CWC27: variants seen among roughly 807,000 people sequenced by gnomAD.
The protein encoded by CWC27 is spliceosome-associated protein CWC27 homolog.
Under a neutral mutation model 63.6 loss-of-function variants are expected in CWC27, and 47 were observed. The ratio of observed to expected loss-of-function variants is 0.74; its 90% CI spans 0.58 to 0.94. The LOEUF is 0.94. Among genes scored for constraint, CWC27 ranks in the 40% least tolerant of loss-of-function variants. The probability of loss-of-function intolerance (pLI) is 0.00; values close to 1 mark genes in which losing one functional copy is unlikely to be tolerated. For synonymous variants in CWC27, 175 were observed against 179.8 expected (o/e 0.97, Z 0.22); for missense variants, 495 against 554.3 (o/e 0.89, Z 1.07).
intron 11 of CWC27, among the ~76,000 whole-genome samples, chr5:64,950,502 A>G (rs1469258342): frequency 1.3e-5 from 2 of 152,000 alleles, no homozygotes; most frequent in Admixed American, 1.3e-4. Flanking sequence ...TAAAATTGAA[A>G]AGTTACCAAA....
intron 11 of CWC27, among the ~76,000 whole-genome samples, chr5:64,905,394 TCTTTA>T (rs1172540825): frequency 6.6e-6 from 1 of 152,108 alleles, no homozygotes; most frequent in Non-Finnish European, 1.5e-5. Flanking sequence ...AGGGCCAGTT[TCTTTA>T]CTTTCTGTCT....
chr5:64,868,877 C>T (rs1561440769), intron 10 of CWC27, among the ~76,000 whole-genome samples: 1 of 151,936 alleles, frequency 6.6e-6, no homozygotes. Context: ...CTTACCTTAT[C>T]ATCTTTGCAT....
chr5:64,954,260 C>T (rs1024682741), intron 11 of CWC27, among the ~76,000 whole-genome samples: 7 of 152,082 alleles, frequency 4.6e-5, no homozygotes, highest in African/African-American at 1.4e-4. Flanking sequence ...CCTGGTCTTT[C>T]CAGTGACAAC....
At position 64,800,405 on chromosome 5, in the gene CWC27, C is replaced by T. The variant is rs1744448917; in HGVS notation, c.749+78C>T. 9.4e-6 allele frequency: 10 copies of T among 1,060,984 alleles called. No individual in the cohort carries two copies. The East Asian group carries it at 2.6e-4, about 27-fold the overall frequency. 65.7% of individuals were successfully genotyped at this position (1,060,984 alleles called of 1,614,324 possible). On this transcript the variant is annotated intron_variant, in intron 8 of 13. Transcript: ENST00000381070. ...TTTTCTTGCTTCTTCTGTGAGTAAA[C>T]AGTCAGTCCTCATAAGTCAAAAATT...
At chr5:64,985,946 C>A (rs1011205585) in intron 13 of CWC27, among the ~76,000 whole-genome samples, 1 of 152,102 alleles carries the variant, frequency 6.6e-6, no homozygotes, top group Non-Finnish European at 1.5e-5. Context: ...ATTGTAATCC[C>A]CATAATCAAG....
At chr5:64,796,590 A>T (rs893759375) in intron 7 of CWC27, among the ~76,000 whole-genome samples, 2 of 152,172 alleles carry the variant, frequency 1.3e-5, no homozygotes, top group South Asian at 2.1e-4. Flanking sequence ...TATCTAAAAA[A>T]ATATTTTCAT....
In CWC27 at chr5:64,784,111, A is replaced by G. The variant is rs77047918; in HGVS notation, c.396+132A>G. ...AAACATTCCATAGGATATGTTTATT[A>G]TTTTCAAAAATGATGGAATATATTC... On this transcript the variant is annotated intron_variant, in intron 4 of 13. Coordinates refer to ENST00000381070, the MANE Select transcript of CWC27 (RefSeq NM_005869.4). 4.8e-3 allele frequency: 3,797 copies of G among 791,468 alleles called. 120 individuals are homozygous for G. The African/African-American group carries it at 0.06, about 13-fold the overall frequency. The allele number at this position is 791,468 out of a possible 1,614,324, so 49.0% of individuals were successfully genotyped here.
intron 13 of CWC27, among the ~76,000 whole-genome samples, chr5:65,016,062 C>A (rs1007920205): frequency 5.9e-5 from 9 of 152,156 alleles, no homozygotes; most frequent in Admixed American, 4.6e-4. Flanking sequence ...TTTAATTATT[C>A]TTCCAACTGG....
chr5:64,876,554 C>T (rs958629882), intron 10 of CWC27, among the ~76,000 whole-genome samples: 13 of 152,178 alleles, frequency 8.5e-5, no homozygotes, highest in Non-Finnish European at 1.8e-4. Flanking sequence ...AGTTCATTTA[C>T]CATCATATAT....
At chr5:64,876,912 T>A (rs1345588213) in intron 10 of CWC27, among the ~76,000 whole-genome samples, 1 of 152,052 alleles carries the variant, frequency 6.6e-6, no homozygotes, top group Non-Finnish European at 1.5e-5. Flanking sequence ...TTGCAGGATT[T>A]TAAAAAACTA....
chr5:64,957,236 G>T (rs28492766), intron 11 of CWC27, among the ~76,000 whole-genome samples: 69,296 of 152,032 alleles, frequency 0.46, 15,957 homozygotes, highest in African/African-American at 0.5. Context: ...AGTACTTCTT[G>T]AGTCTCCTTT....
At chr5:64,818,337 T>C (rs1745102008) in intron 10 of CWC27, among the ~76,000 whole-genome samples, 1 of 152,178 alleles carries the variant, frequency 6.6e-6, no homozygotes, top group Admixed American at 6.6e-5. Context: ...AATGTTTTCT[T>C]AGCTTTGAAA....
At chr5:64,840,473 GA>G (rs369584798) in intron 10 of CWC27, among the ~76,000 whole-genome samples, 2 of 111,004 alleles carry the variant, frequency 1.8e-5, no homozygotes, top group African/African-American at 3.5e-5. Context: ...GGTAAAAATG[GA>G]AAAAAAACTT....
rs566437573 is a variant in CWC27 at position 64,992,045 on chromosome 5, A to G, written c.1256+14807A>G. 2.0e-5 allele frequency among the ~76,000 whole-genome samples: 3 copies of G among 152,324 alleles called. No homozygotes were observed. In the South Asian group the frequency reaches 6.2e-4, roughly 32 times the overall value. ...TTTTCACTCTAACTCTTCTACGGGT[A>G]GTAGGAGATGAAGGTGACTCTAGAT... On this transcript the variant is annotated intron_variant, in intron 13 of 13. Transcript: ENST00000381070.
At position 64,961,159 on chromosome 5, in the gene CWC27, G is replaced by A. The variant is rs539330628; in HGVS notation, c.1043-10544G>A. Among the ~76,000 whole-genome samples the A allele has an allele frequency of 3.7e-4, 57 of 152,182 alleles. 1 individual carries two copies. The highest frequency in any genetic ancestry group is 6.5e-4 in the Non-Finnish European group (44 of 68,032). ...TAAGGGACATACTTTATAACATGCAGGAACAAATGTGCAGTACTTAACTTG... is the reference window on the plus strand; with the variant it reads ...TAAGGGACATACTTTATAACATGCAAGAACAAATGTGCAGTACTTAACTTG... On this transcript the variant is annotated intron_variant, in intron 11 of 13. Transcript: ENST00000381070.
intron 7 of CWC27, among the ~76,000 whole-genome samples, chr5:64,795,523 T>C (rs1744234682): frequency 6.6e-6 from 1 of 152,090 alleles, no homozygotes; most frequent in Non-Finnish European, 1.5e-5. Context: ...GAGAATCTAT[T>C]CCCTTGCCTT....
intron 10 of CWC27, 108 bp downstream of exon 10, chr5:64,804,494 T>C (rs1276895414): frequency 1.0e-5 from 12 of 1,171,930 alleles, no homozygotes; most frequent in East Asian, 5.2e-5. Flanking sequence ...ATTTTCATAA[T>C]GTTTGATAAA....
chr5:64,912,357 TAGAA>T (rs1172445746), intron 11 of CWC27, among the ~76,000 whole-genome samples: 2 of 151,932 alleles, frequency 1.3e-5, no homozygotes, highest in Admixed American at 6.5e-5. Flanking sequence ...AAACAACAAA[TAGAA>T]AGAGTCCTAA....
chr5:64,769,301 G>T, intron 1 of CWC27, 113 bp downstream of exon 1: 1 of 896,886 alleles, frequency 1.1e-6, no homozygotes, highest in Non-Finnish European at 1.9e-6. Flanking sequence ...ACCACGAGAA[G>T]TGTTGTCTTT....
Sources: gnomAD v4.1 joint callset for allele counts (sites outside exome capture counted in the v4.1 genomes callset) on GRCh38, gnomAD v4.1.1 for gene constraint, MANE v1.5 for transcripts, NCBI Gene and HGNC (gene_info 2026-07-23, HGNC 2026-07-21) for gene names.